Variants in NOX3 observed in about 807,000 individuals in gnomAD.
NOX3 encodes NADPH oxidase 3, also known as NADPH oxidase catalytic subunit-like 3.
In NOX3, 74 loss-of-function variants were observed where a neutral mutation model predicts 76.7. The observed-to-expected ratio is 0.96, with a 90% CI of 0.80 to 1.17. The LOEUF is 1.17. Ranked by LOEUF, NOX3 falls within the 50% of genes most tolerant of loss-of-function variation. The pLI is 0.00. For missense variants in NOX3, 695 were observed against 703.3 expected (o/e 0.99, Z 0.13); for synonymous variants, 263 against 261.1 (o/e 1.01, Z -0.07).
intron 10 of NOX3, among the ~76,000 whole-genome samples, chr6:155,411,787 G>A (rs1431756263): frequency 6.6e-6 from 1 of 152,148 alleles, no homozygotes; most frequent in African/African-American, 2.4e-5. Flanking sequence ...GACCCCAAAG[G>A]CTTGGACACT....
chr6:155,405,854 T>C (rs1776450407), intron 12 of NOX3, among the ~76,000 whole-genome samples: 1 of 152,252 alleles, frequency 6.6e-6, no homozygotes, highest in Non-Finnish European at 1.5e-5. Flanking sequence ...TTCCATTCTC[T>C]TGCAGAGTGA....
In NOX3 at chr6:155,422,723, C is replaced by T; in HGVS notation, c.1279G>A (p.Glu427Lys). ...CTCAGCTTCAGTGGGGTCTGTGCCT[C>T]ACTGCATTTGTACCATATAGATTTC... ...LLKSIWYKCSEAQTPLKLSKV... is the reference protein window; with the variant it reads ...LLKSIWYKCSKAQTPLKLSKV... Residue 427 changes from glutamate to lysine, a missense_variant, in exon 10 of 14, where the codon GAG becomes AAG. Glu to Lys is a moderately conservative substitution (Grantham distance 56). Transcript: ENST00000159060. The T allele has an allele frequency of 6.2e-7, 1 of 1,614,140 alleles. No individual in the cohort carries two copies. Among genetic ancestry groups the T allele is most frequent in the Middle Eastern group, 1.6e-4 (1 of 6,062 alleles).
rs777866764 is a variant in NOX3 at position 155,396,887 on chromosome 6, T to G, written c.1656A>C (p.Ser552=). The change falls in exon 13 of 14, where the codon TCA becomes TCC. Residue 552 remains serine (S), a synonymous_variant. Transcript: ENST00000159060. ...AATGAACACCTCTGGGGTCAGCTGA[T>G]GAATACAAGTGGCACATCTTTTGAA... ...RTLQKMCHLY[S]SADPRGVHFY... is the part of the protein sequence containing the mutation. 3.1e-6 allele frequency: 5 copies of G among 1,613,354 alleles called. No homozygotes were observed. Among genetic ancestry groups the G allele is most frequent in the Non-Finnish European group, 3.4e-6 (4 of 1,179,582 alleles).
At chr6:155,432,725 A>G (rs1562467196) in intron 7 of NOX3, among the ~76,000 whole-genome samples, 1 of 152,118 alleles carries the variant, frequency 6.6e-6, no homozygotes, top group Non-Finnish European at 1.5e-5. Context: ...AGGCAACACA[A>G]TTTGACCCAC....
chr6:155,401,706 G>A (rs1360303600), intron 12 of NOX3, among the ~76,000 whole-genome samples: 10 of 149,820 alleles, frequency 6.7e-5, no homozygotes, highest in Non-Finnish European at 1.3e-4. Flanking sequence ...TCATCGTTAG[G>A]TTGGGTTAAA....
chr6:155,431,233 G>A (rs1776828438), intron 7 of NOX3, among the ~76,000 whole-genome samples: 1 of 152,054 alleles, frequency 6.6e-6, no homozygotes, highest in African/African-American at 2.4e-5. Context: ...AAATAAAAAA[G>A]CAGATTGATG....
chr6:155,440,288 T>A, intron 5 of NOX3, 151 bp from the exon 6 acceptor site: 3 of 604,992 alleles, frequency 5.0e-6, no homozygotes, highest in Non-Finnish European at 2.7e-6. Context: ...CAGAAGCACG[T>A]TAGCCTCAGC....
chr6:155,455,178 T>C (rs2114713311), intron 1 of NOX3, 49 bp from the exon 2 acceptor site: 1 of 1,240,218 alleles, frequency 8.1e-7, no homozygotes. Context: ...TCAAGCTTTT[T>C]CTCTATTCAA....
chr6:155,430,979 A>G, intron 7 of NOX3, 44 bp from the exon 8 acceptor site: 2 of 1,203,626 alleles, frequency 1.7e-6, no homozygotes, highest in Non-Finnish European at 2.4e-6. Context: ...AAATGAAAAT[A>G]GAATCCAAAT....
At chr6:155,436,351 C>A in intron 7 of NOX3, 67 bp downstream of exon 7, 1 of 1,572,192 alleles carries the variant, frequency 6.4e-7, no homozygotes, top group Non-Finnish European at 8.7e-7. Context: ...TTTTTCCAAG[C>A]CTATAAAAAC....
In NOX3 at chr6:155,407,099, T is replaced by A. The variant is rs1238596245; in HGVS notation, c.1580+31A>T. 4 of 1,613,410 alleles carry A rather than the reference T, an allele frequency of 2.5e-6. No homozygotes were observed. In the African/African-American group the frequency reaches 5.3e-5, roughly 22 times the overall value. On this transcript the variant is annotated intron_variant, in intron 12 of 13. Transcript: ENST00000159060. ...CCTTGCATTTCTCCAGAGAAGAGCC[T>A]GGCAGGGAGAGGAGCAAGAGCTTGC...
At chr6:155,399,053 C>T (rs1562455859) in intron 12 of NOX3, among the ~76,000 whole-genome samples, 1 of 152,188 alleles carries the variant, frequency 6.6e-6, no homozygotes, top group East Asian at 1.9e-4. Context: ...CTGAGATCAG[C>T]ACTAGATTTT....
chr6:155,411,111 C>T (rs2114680815), intron 11 of NOX3, 103 bp downstream of exon 11: 3 of 831,962 alleles, frequency 3.6e-6, no homozygotes, highest in South Asian at 6.0e-5. Context: ...AAAAATAATT[C>T]TGTCATGCTA....
intron 7 of NOX3, among the ~76,000 whole-genome samples, chr6:155,435,159 G>A (rs763662781): frequency 6.6e-6 from 1 of 152,176 alleles, no homozygotes; most frequent in Non-Finnish European, 1.5e-5. Flanking sequence ...CTGAGTTTGG[G>A]TGTGCAAGGA....
intron 7 of NOX3, among the ~76,000 whole-genome samples, chr6:155,431,248 T>C (rs1471659100): frequency 6.6e-6 from 1 of 152,194 alleles, no homozygotes; most frequent in African/African-American, 2.4e-5. Context: ...TTGATGTTTA[T>C]ATTACATATG....
chr6:155,439,738 A>G (rs1776955890), intron 6 of NOX3, among the ~76,000 whole-genome samples: 1 of 152,232 alleles, frequency 6.6e-6, no homozygotes, highest in Non-Finnish European at 1.5e-5. Flanking sequence ...AGACTCACTA[A>G]CAGAGTCAGA....
chr6:155,440,484 A>C (rs4869854), intron 5 of NOX3, among the ~76,000 whole-genome samples: 1 of 149,762 alleles, frequency 6.7e-6, no homozygotes, highest in African/African-American at 2.4e-5. Context: ...TAAATAAATT[A>C]AAAAAAAAAA....
chr6:155,435,683 C>G (rs1004642538), intron 7 of NOX3, among the ~76,000 whole-genome samples: 1 of 152,178 alleles, frequency 6.6e-6, no homozygotes, highest in African/African-American at 2.4e-5. Flanking sequence ...CTGCCAGATG[C>G]ATTTATTTTC....
intron 9 of NOX3, among the ~76,000 whole-genome samples, chr6:155,427,715 A>AT (rs914859045): frequency 1.3e-5 from 2 of 151,670 alleles, no homozygotes; most frequent in African/African-American, 2.4e-5. Flanking sequence ...TGTTTTTCTC[A>AT]TTTTTTTTGG....
Sources: allele counts gnomAD v4.1 joint callset (sites outside exome capture counted in the v4.1 genomes callset), GRCh38; gene constraint gnomAD v4.1.1; transcripts MANE v1.5; gene names NCBI Gene and HGNC (gene_info 2026-07-23, HGNC 2026-07-21).